Variants in CTNNA3 observed in about 807,000 individuals in gnomAD.
The protein encoded by CTNNA3 is catenin alpha-3.
A neutral mutation model predicts 95.7 loss-of-function variants in CTNNA3; 76 were observed. The observed-to-expected ratio is 0.79, with a 90% CI of 0.66 to 0.96. The LOEUF is 0.96. CTNNA3 is among the 40% of genes least tolerant of loss of function. CTNNA3 has a pLI of 0.00. For missense variants in CTNNA3, 1,191 were observed against 1,089.8 expected (o/e 1.09, Z -1.31); for synonymous variants, 431 against 374.4 (o/e 1.15, Z -1.74).
At chr10:67,447,206 G>A (rs758785191) in intron 5 of CTNNA3, among the ~76,000 whole-genome samples, 50 of 152,352 alleles carry the variant, frequency 3.3e-4, no homozygotes, top group Non-Finnish European at 5.0e-4. Context: ...TGAATCTAGC[G>A]TAAGCTATAT....
chr10:66,079,900 C>T (rs185573459), intron 14 of CTNNA3, among the ~76,000 whole-genome samples: 48 of 152,094 alleles, frequency 3.2e-4, no homozygotes, highest in African/African-American at 1.0e-3. Flanking sequence ...TTATATTTCA[C>T]ATAATATTAA....
chr10:67,705,847 C>T (rs1424473435), intron 1 of CTNNA3, among the ~76,000 whole-genome samples: 2 of 151,644 alleles, frequency 1.3e-5, no homozygotes, highest in Non-Finnish European at 2.9e-5. Flanking sequence ...CCTCTCCTAG[C>T]GTAACCGACA....
chr10:67,144,920 A>G (rs1036080709), intron 7 of CTNNA3, among the ~76,000 whole-genome samples: 3 of 152,270 alleles, frequency 2.0e-5, no homozygotes, highest in Non-Finnish European at 4.4e-5. Flanking sequence ...ATGCCTTCCT[A>G]ACTAAGCTTA....
chr10:67,112,021 G>A (rs1858934328), intron 7 of CTNNA3, among the ~76,000 whole-genome samples: 1 of 152,058 alleles, frequency 6.6e-6, no homozygotes, highest in South Asian at 2.1e-4. Flanking sequence ...CCAAAAAAAA[G>A]TGTCAGAAAT....
intron 7 of CTNNA3, among the ~76,000 whole-genome samples, chr10:67,175,572 A>C (rs1388195143): frequency 6.6e-6 from 1 of 152,214 alleles, no homozygotes; most frequent in Non-Finnish European, 1.5e-5. Context: ...GAGAAGAAAC[A>C]AGTGGGTGGA....
chr10:67,261,996 A>C (rs538299964), intron 5 of CTNNA3, among the ~76,000 whole-genome samples: 2 of 152,178 alleles, frequency 1.3e-5, no homozygotes, highest in Non-Finnish European at 2.9e-5. Flanking sequence ...TATGTATACT[A>C]TCTCATTTAA....
chr10:67,402,441 T>G (rs1222062484), intron 5 of CTNNA3, among the ~76,000 whole-genome samples: 1 of 152,074 alleles, frequency 6.6e-6, no homozygotes, highest in Non-Finnish European at 1.5e-5. Flanking sequence ...GGCCGAGACC[T>G]CCAATTAGAA....
intron 5 of CTNNA3, among the ~76,000 whole-genome samples, chr10:67,274,872 T>G (rs1839129843): frequency 6.6e-6 from 1 of 152,058 alleles, no homozygotes; most frequent in Admixed American, 6.6e-5. Flanking sequence ...AAGAATCAGA[T>G]TTGAACAACA....
Position 66,007,809 on chromosome 10 carries a change from CG to C in CTNNA3, c.2160-19013del, listed in dbSNP as rs1564574046. On this transcript the variant is annotated intron_variant, in intron 15 of 17. Coordinates refer to ENST00000433211, the MANE Select transcript of CTNNA3 (RefSeq NM_013266.4). Reference sequence around the variant, plus strand: ...TCCCTTCCTCCCTTCCTTCCTCCCTCGCTCCCTCCCTTTCTTCCTTCCTTTC... The same window carrying C: ...TCCCTTCCTCCCTTCCTTCCTCCCTCCTCCCTCCCTTTCTTCCTTCCTTTC... 3.0e-5 allele frequency among the ~76,000 whole-genome samples: 4 copies of C among 133,966 alleles called. No individual in the cohort carries two copies. In the East Asian group the frequency reaches 9.9e-4, roughly 33 times the overall value. 87.9% of individuals were successfully genotyped at this position (133,966 alleles called of 152,430 possible).
chr10:66,708,762 C>G (rs1848200844), intron 9 of CTNNA3, among the ~76,000 whole-genome samples: 2 of 152,234 alleles, frequency 1.3e-5, no homozygotes, highest in South Asian at 4.2e-4. Flanking sequence ...CTAGGCAATG[C>G]TGAAATCCCT....
At chr10:67,091,903 A>G (rs1477640113) in intron 7 of CTNNA3, among the ~76,000 whole-genome samples, 13 of 152,100 alleles carry the variant, frequency 8.5e-5, no homozygotes, top group Admixed American at 8.5e-4. Flanking sequence ...AAACAAATTT[A>G]AAGACAAATT....
intron 5 of CTNNA3, among the ~76,000 whole-genome samples, chr10:67,223,169 A>C (rs943335631): frequency 8.5e-5 from 13 of 152,202 alleles, no homozygotes; most frequent in African/African-American, 2.9e-4. Flanking sequence ...TTATGTAAGG[A>C]AAACTGACAA....
intron 3 of CTNNA3, among the ~76,000 whole-genome samples, chr10:67,558,601 G>A (rs371481831): frequency 5.3e-5 from 8 of 152,324 alleles, no homozygotes; most frequent in South Asian, 4.1e-4. Context: ...CTGAGGTACC[G>A]GGTTCATCTC....
intron 5 of CTNNA3, among the ~76,000 whole-genome samples, chr10:67,499,120 G>C (rs1458636457): frequency 6.6e-6 from 1 of 152,120 alleles, no homozygotes; most frequent in Non-Finnish European, 1.5e-5. Flanking sequence ...TCAATACCTA[G>C]TTTATTGAGA....
At chr10:66,515,044 C>A (rs185661446) in intron 11 of CTNNA3, among the ~76,000 whole-genome samples, 30 of 152,148 alleles carry the variant, frequency 2.0e-4, no homozygotes, top group African/African-American at 6.3e-4. Context: ...ACCATTGAAT[C>A]ATACTAAAAC....
intron 7 of CTNNA3, among the ~76,000 whole-genome samples, chr10:67,127,385 T>A (rs1589769188): frequency 1.3e-5 from 2 of 152,314 alleles, no homozygotes; most frequent in South Asian, 4.1e-4. Flanking sequence ...GAAAGACCAT[T>A]CTCAAGCCCT....
chr10:67,539,811 A>C, intron 3 of CTNNA3, 142 bp from the exon 4 acceptor site: 2 of 700,170 alleles, frequency 2.9e-6, no homozygotes, highest in East Asian at 2.8e-5. Flanking sequence ...TTCTCTCTCA[A>C]TAAACAATGC....
At chr10:66,159,669 A>G (rs1371038776) in intron 13 of CTNNA3, among the ~76,000 whole-genome samples, 1 of 98,388 alleles carries the variant, frequency 1.0e-5, no homozygotes, top group South Asian at 3.0e-4. Flanking sequence ...TGGTTTTGGT[A>G]TTAGCATGAT....
intron 17 of CTNNA3, among the ~76,000 whole-genome samples, chr10:65,927,827 T>A (rs2077190139): frequency 6.6e-6 from 1 of 152,186 alleles, no homozygotes; most frequent in Non-Finnish European, 1.5e-5. Context: ...AGAAAAACTA[T>A]GTTCTGTTGT....
Sources: allele counts gnomAD v4.1 joint callset (sites outside exome capture counted in the v4.1 genomes callset), GRCh38; gene constraint gnomAD v4.1.1; transcripts MANE v1.5; gene names NCBI Gene and HGNC (gene_info 2026-07-23, HGNC 2026-07-21).